The following MSRA variants were observed in gnomAD, a reference collection of about 807,000 sequenced individuals.
The protein encoded by MSRA is methionine sulfoxide reductase A.
MSRA carries 54 observed loss-of-function variants against 31.3 expected under a neutral mutation model. That is an observed-to-expected ratio of 1.73 (90% CI 1.39 to 2.17). MSRA has a LOEUF of 2.17. Among genes scored for constraint, MSRA ranks in the 30% most tolerant of loss-of-function variants. MSRA has a pLI of 0.00. For missense variants in MSRA, 507 were observed against 300.9 expected (o/e 1.69, Z -5.07); for synonymous variants, 169 against 116.5 (o/e 1.45, Z -2.90).
At chr8:10,334,967 C>A (rs1029118722) in intron 5 of MSRA, among the ~76,000 whole-genome samples, 1 of 152,192 alleles carries the variant, frequency 6.6e-6, no homozygotes, top group Admixed American at 6.5e-5. Flanking sequence ...GGCGAGCCCG[C>A]CCATTGGCTG....
At position 10,319,989 on chromosome 8, in the gene MSRA, G is replaced by T. The variant is rs1443337129; in HGVS notation, c.543G>T (p.Lys181Asn). Residue 181 changes from lysine to asparagine, a missense_variant and splice_region_variant, in exon 5 of 6, where the codon AAG (lysine) becomes AAT (asparagine). Physicochemically the swap from Lys to Asn is moderately conservative, Grantham distance 94 (BLOSUM62 0). Coordinates refer to ENST00000317173, the MANE Select transcript of MSRA (RefSeq NM_012331.5). ...AALSSKENYQ[K>N]VLSEHGFGPI... ...TGAGCTCCAAAGAGAACTACCAAAA[G>T]GTAGGGATTGCTGGGCTCCTAGCCC... 1 of 1,595,036 alleles carries T rather than the reference G, an allele frequency of 6.3e-7. No homozygotes were observed. Among genetic ancestry groups the T allele is most frequent in the Admixed American group, 1.7e-5 (1 of 57,738 alleles).
At chr8:10,221,209 A>G (rs1252832613) in intron 2 of MSRA, among the ~76,000 whole-genome samples, 1 of 152,216 alleles carries the variant, frequency 6.6e-6, no homozygotes, top group African/African-American at 2.4e-5. Context: ...GCAGTGATGC[A>G]TAAGAAATGA....
chr8:10,288,448 A>G (rs983718914), intron 3 of MSRA, among the ~76,000 whole-genome samples: 16 of 152,204 alleles, frequency 1.1e-4, no homozygotes, highest in African/African-American at 3.9e-4. Flanking sequence ...AAGAGTTCCT[A>G]TTTGATATGT....
At chr8:10,210,573 T>G (rs1168282876) in intron 2 of MSRA, among the ~76,000 whole-genome samples, 1 of 152,166 alleles carries the variant, frequency 6.6e-6, no homozygotes. Context: ...GCTTTTCCAT[T>G]TGACCACAGT....
chr8:10,097,653 C>A (rs1318703570), intron 1 of MSRA, among the ~76,000 whole-genome samples: 1 of 152,022 alleles, frequency 6.6e-6, no homozygotes, highest in Non-Finnish European at 1.5e-5. Context: ...TTTTTAAGTC[C>A]ATTTTTTCTT....
At chr8:10,359,175 C>T (rs1313747122) in intron 5 of MSRA, among the ~76,000 whole-genome samples, 1 of 152,104 alleles carries the variant, frequency 6.6e-6, no homozygotes, top group Non-Finnish European at 1.5e-5. Flanking sequence ...TGTTCTGTCC[C>T]CTTGACTTGC....
chr8:10,377,173 T>G (rs1395543975), intron 5 of MSRA, among the ~76,000 whole-genome samples: 2 of 152,254 alleles, frequency 1.3e-5, no homozygotes, highest in East Asian at 3.9e-4. Flanking sequence ...TGGAACGATT[T>G]GCCTGCTGTA....
intron 1 of MSRA, among the ~76,000 whole-genome samples, chr8:10,125,220 A>G (rs1258262900): frequency 6.6e-6 from 1 of 152,200 alleles, no homozygotes; most frequent in South Asian, 2.1e-4. Context: ...TGGCTAGGTC[A>G]TTCTTTCCAA....
chr8:10,150,738 G>T (rs191721514), intron 1 of MSRA, among the ~76,000 whole-genome samples: 37 of 152,264 alleles, frequency 2.4e-4, no homozygotes, highest in African/African-American at 8.7e-4. Context: ...TCTGAAGCCT[G>T]TTCTTTCCCG....
chr8:10,339,708 A>G (rs1330370420), intron 5 of MSRA, among the ~76,000 whole-genome samples: 1 of 149,630 alleles, frequency 6.7e-6, no homozygotes, highest in Non-Finnish European at 1.5e-5. Flanking sequence ...CGCCCGGCTA[A>G]TTTTTTGTAT....
At chr8:10,376,478 G>T (rs1805762451) in intron 5 of MSRA, among the ~76,000 whole-genome samples, 1 of 152,186 alleles carries the variant, frequency 6.6e-6, no homozygotes, top group Admixed American at 6.5e-5. Context: ...ATGGCACATT[G>T]CTGCTCTGCC....
intron 5 of MSRA, among the ~76,000 whole-genome samples, chr8:10,417,776 G>C (rs997549199): frequency 6.6e-6 from 1 of 151,382 alleles, no homozygotes; most frequent in Non-Finnish European, 1.5e-5. Flanking sequence ...GTGTGTGTGT[G>C]TGTCTGTGTA....
intron 2 of MSRA, among the ~76,000 whole-genome samples, chr8:10,234,430 G>T (rs948708194): frequency 2.0e-5 from 3 of 152,020 alleles, no homozygotes; most frequent in Admixed American, 6.6e-5. Flanking sequence ...TGTAACAATT[G>T]TAAGGGTAAA....
At chr8:10,250,357 C>T (rs1797851101) in intron 3 of MSRA, 1 of 696,674 alleles carries the variant, frequency 1.4e-6, no homozygotes, top group South Asian at 1.5e-5. Context: ...ACAAATACCC[C>T]ATTTCTGGCA....
In MSRA at chr8:10,347,262, C is replaced by A. The variant is rs561267518; in HGVS notation, c.543+27273C>A. On this transcript the variant is annotated intron_variant, in intron 5 of 5. Transcript: ENST00000317173. ...CGATTAAACAAATGATTGATGAATA[C>A]CAAATACAGCCTGATAAATCTCCCT... is the stretch of plus-strand genomic sequence containing the variant. Among the ~76,000 whole-genome samples the A allele has an allele frequency of 9.2e-5, 14 of 152,268 alleles. No homozygotes were observed. The East Asian group carries it at 2.7e-3, about 29-fold the overall frequency.
chr8:10,392,649 T>C (rs12544727), intron 5 of MSRA, among the ~76,000 whole-genome samples: 103,242 of 151,220 alleles, frequency 0.68, 38,511 homozygotes, highest in Non-Finnish European at 0.87. Flanking sequence ...ATCCTGTCAT[T>C]TGCCTGTGAC....
chr8:10,299,033 C>G (rs1037568749), intron 3 of MSRA, among the ~76,000 whole-genome samples: 5 of 152,132 alleles, frequency 3.3e-5, no homozygotes, highest in Non-Finnish European at 7.4e-5. Context: ...GGCACCATTT[C>G]ATTGTATCCT....
chr8:10,133,860 T>C (rs1802073901), intron 1 of MSRA, among the ~76,000 whole-genome samples: 1 of 152,152 alleles, frequency 6.6e-6, no homozygotes, highest in South Asian at 2.1e-4. Context: ...AGATGGAGTC[T>C]CGCTCTGTCG....
Position 10,385,723 on chromosome 8 carries a change from G to A in MSRA, c.544-42425G>A, listed in dbSNP as rs77398457. On this transcript the variant is annotated intron_variant, in intron 5 of 5. Transcript: ENST00000317173. ...CATGGTCTAAGGCCAGGGCGGAGGTGGAAGAGCTACCGGTGTCATAGCCAC... is the reference window on the plus strand; with the variant it reads ...CATGGTCTAAGGCCAGGGCGGAGGTAGAAGAGCTACCGGTGTCATAGCCAC... Among the ~76,000 whole-genome samples the A allele has an allele frequency of 7.1e-3, 1,079 of 150,952 alleles. 13 individuals are homozygous for A. The highest frequency in any genetic ancestry group is 0.024 in the African/African-American group (990 of 41,380).
Sources: gnomAD v4.1 joint callset for allele counts (sites outside exome capture counted in the v4.1 genomes callset) on GRCh38, gnomAD v4.1.1 for gene constraint, MANE v1.5 for transcripts, NCBI Gene and HGNC (gene_info 2026-07-23, HGNC 2026-07-21) for gene names.